GFRA1: variants seen among roughly 807,000 people sequenced by gnomAD.
GFRA1 encodes the protein GDNF family receptor alpha 1.
Under a neutral mutation model 51.6 loss-of-function variants are expected in GFRA1, and 16 were observed. The observed-to-expected ratio is 0.31, with a 90% CI of 0.21 to 0.47. The LOEUF (loss-of-function observed/expected upper bound fraction) is 0.47. Ranked by LOEUF, GFRA1 falls within the 20% of genes least tolerant of loss-of-function variation. The pLI is 1.00. For synonymous variants in GFRA1, 270 were observed against 241.3 expected (o/e 1.12, Z -1.10); for missense variants, 530 against 594.3 (o/e 0.89, Z 1.13).
intron 4 of GFRA1, among the ~76,000 whole-genome samples, chr10:116,252,535 G>A (rs1443459143): frequency 1.3e-5 from 2 of 152,090 alleles, no homozygotes; most frequent in Non-Finnish European, 2.9e-5. Flanking sequence ...GGCAAACCAG[G>A]CTATCAATGG....
Position 116,272,279 on chromosome 10 carries a change from G to A in GFRA1, c.-246-4C>T, listed in dbSNP as rs2577361. On this transcript the variant is annotated splice_polypyrimidine_tract_variant and splice_region_variant and intron_variant, in intron 1 of 10. Coordinates refer to ENST00000355422, the MANE Select transcript of GFRA1 (RefSeq NM_005264.8). The surrounding 1 kb of genome is among the most constrained non-coding windows in gnomAD (Gnocchi z 4.4). Reference sequence around the variant, plus strand: ...AGGGGTTCAGGTCCGACCCAACCTGGAAGGGAGGGCGCGCTTTGAGATGAG... The same window carrying A: ...AGGGGTTCAGGTCCGACCCAACCTGAAAGGGAGGGCGCGCTTTGAGATGAG... 0.22 allele frequency: 126,751 copies of A among 581,732 alleles called. 14,272 individuals are homozygous for A. Among genetic ancestry groups the A allele is most frequent in the East Asian group, 0.28 (9,742 of 34,988 alleles). The allele number at this position is 581,732 out of a possible 1,614,324, so 36.0% of individuals were successfully genotyped here. A position where few individuals can be genotyped will look rare whatever the true frequency, so the allele number is the denominator to read the frequency against.
intron 4 of GFRA1, among the ~76,000 whole-genome samples, chr10:116,245,208 G>A (rs1967766439): frequency 6.6e-6 from 1 of 151,960 alleles, no homozygotes; most frequent in Non-Finnish European, 1.5e-5. Flanking sequence ...AATATACAAA[G>A]AACTCTTAAA....
chr10:116,232,261 C>T (rs748122489), intron 4 of GFRA1, among the ~76,000 whole-genome samples: 80 of 152,230 alleles, frequency 5.3e-4, no homozygotes, highest in Non-Finnish European at 9.4e-4. Context: ...TTTCATCCTC[C>T]CAAGGAATAT....
At chr10:116,085,817 T>C (rs1036689773) in intron 9 of GFRA1, among the ~76,000 whole-genome samples, 1 of 152,218 alleles carries the variant, frequency 6.6e-6, no homozygotes, top group African/African-American at 2.4e-5. Flanking sequence ...TCTCCTGGAA[T>C]TGAGGCATGA....
At chr10:116,142,871 A>C (rs1170366291) in intron 5 of GFRA1, among the ~76,000 whole-genome samples, 1 of 152,080 alleles carries the variant, frequency 6.6e-6, no homozygotes, top group Non-Finnish European at 1.5e-5. Context: ...CAGGGACTAG[A>C]CTCCTCATAA....
At chr10:116,078,724 G>T (rs1353698463) in intron 9 of GFRA1, among the ~76,000 whole-genome samples, 1 of 152,052 alleles carries the variant, frequency 6.6e-6, no homozygotes, top group Non-Finnish European at 1.5e-5. Context: ...AATAACAGCG[G>T]GTGCTAGAAA....
chr10:116,104,180 T>TTA (rs2133941059), intron 6 of GFRA1, among the ~76,000 whole-genome samples: 1 of 152,336 alleles, frequency 6.6e-6, no homozygotes, highest in South Asian at 2.1e-4. Context: ...GTATGGCAGT[T>TTA]TAGCAAGACA....
At chr10:116,259,814 G>T (rs2134751993) in intron 4 of GFRA1, among the ~76,000 whole-genome samples, 1 of 152,324 alleles carries the variant, frequency 6.6e-6, no homozygotes, top group South Asian at 2.1e-4. Context: ...GTGGCCTTAA[G>T]AAAGTTACTC....
At chr10:116,097,341 G>C (rs563883434) in intron 6 of GFRA1, among the ~76,000 whole-genome samples, 8 of 152,322 alleles carry the variant, frequency 5.3e-5, no homozygotes, top group East Asian at 1.9e-4. Context: ...TGCCTTTGGG[G>C]AACAGAAGGG....
intron 5 of GFRA1, among the ~76,000 whole-genome samples, chr10:116,142,668 T>C (rs1565606275): frequency 1.3e-5 from 2 of 152,226 alleles, no homozygotes; most frequent in Non-Finnish European, 2.9e-5. Context: ...TACTTAAAGG[T>C]AATTGGGTAG....
intron 5 of GFRA1, among the ~76,000 whole-genome samples, chr10:116,190,859 A>G (rs1963193132): frequency 6.6e-6 from 1 of 152,258 alleles, no homozygotes; most frequent in African/African-American, 2.4e-5. Context: ...CATTAAAGGC[A>G]TAATAACACA....
At chr10:116,117,220 CGTT>C (rs1565587355) in intron 6 of GFRA1, among the ~76,000 whole-genome samples, 1 of 152,124 alleles carries the variant, frequency 6.6e-6, no homozygotes, top group African/African-American at 2.4e-5. Flanking sequence ...CCAGTGAATG[CGTT>C]GTTGTTGTTT....
At chr10:116,186,732 T>G (rs1962758537) in intron 5 of GFRA1, among the ~76,000 whole-genome samples, 2 of 152,174 alleles carry the variant, frequency 1.3e-5, no homozygotes. Flanking sequence ...ACTCCTACTG[T>G]ATTTCAGGTG....
chr10:116,153,439 C>T (rs1959136295), intron 5 of GFRA1, among the ~76,000 whole-genome samples: 1 of 152,204 alleles, frequency 6.6e-6, no homozygotes, highest in Non-Finnish European at 1.5e-5. Flanking sequence ...CAAGCCTTTG[C>T]AGAGCAACAG....
At chr10:116,099,970 T>A (rs566412852) in intron 6 of GFRA1, among the ~76,000 whole-genome samples, 1 of 152,316 alleles carries the variant, frequency 6.6e-6, no homozygotes, top group South Asian at 2.1e-4. Flanking sequence ...CAAGGCTTAG[T>A]GAGGTTAGAC....
At chr10:116,251,571 G>A (rs1379383611) in intron 4 of GFRA1, among the ~76,000 whole-genome samples, 1 of 152,196 alleles carries the variant, frequency 6.6e-6, no homozygotes, top group Non-Finnish European at 1.5e-5. Context: ...GGGACATTCA[G>A]AGACTCTAAC....
Position 116,089,732 on chromosome 10 carries a change from A to G in GFRA1, c.1197+9T>C, listed in dbSNP as rs2133872858. The G allele has an allele frequency of 6.2e-7, 1 of 1,612,628 alleles. No homozygotes were observed. The highest frequency in any genetic ancestry group is 1.1e-5 in the South Asian group (1 of 91,052). The stretch of plus-strand genomic sequence containing the variant: ...GAGCCCCAGCAAGGAATCTGGACGC[A>G]GTTCTCACCTGTAAATTTGCACACG... On this transcript the variant is annotated intron_variant, in intron 9 of 10. Coordinates refer to ENST00000355422, the MANE Select transcript of GFRA1 (RefSeq NM_005264.8).
At chr10:116,088,411 T>C (rs868537830) in intron 9 of GFRA1, among the ~76,000 whole-genome samples, 32 of 152,216 alleles carry the variant, frequency 2.1e-4, no homozygotes, top group African/African-American at 7.2e-4. Flanking sequence ...GAAGCTACCA[T>C]GTGGTCACCA....
intron 5 of GFRA1, among the ~76,000 whole-genome samples, chr10:116,133,648 A>G (rs1352131675): frequency 1.3e-5 from 2 of 152,256 alleles, no homozygotes; most frequent in Non-Finnish European, 2.9e-5. Flanking sequence ...TATAACGTCA[A>G]ATATTTAGAA....
Sources: allele counts gnomAD v4.1 joint callset (sites outside exome capture counted in the v4.1 genomes callset), GRCh38; gene constraint gnomAD v4.1.1; non-coding constraint Gnocchi (gnomAD v3.1); transcripts MANE v1.5; gene names NCBI Gene and HGNC (gene_info 2026-07-23, HGNC 2026-07-21).